Variants in ARHGEF28 observed in about 807,000 individuals in gnomAD.
ARHGEF28 encodes the protein Rho guanine nucleotide exchange factor 28.
A neutral mutation model predicts 206.6 loss-of-function variants in ARHGEF28; 152 were observed. The ratio of observed to expected loss-of-function variants is 0.74; its 90% CI spans 0.64 to 0.84. ARHGEF28 has a LOEUF of 0.84. Ranked by LOEUF, ARHGEF28 falls within the 40% of genes least tolerant of loss-of-function variation. The probability of loss-of-function intolerance (pLI) is 0.00; values close to 1 mark genes in which losing one functional copy is unlikely to be tolerated. For missense variants in ARHGEF28, 2,028 were observed against 2,073.2 expected (o/e 0.98, Z 0.42); for synonymous variants, 763 against 776.4 (o/e 0.98, Z 0.29).
intron 35 of ARHGEF28, among the ~76,000 whole-genome samples, chr5:73,936,494 A>AT (rs901627631): frequency 6.6e-6 from 1 of 152,178 alleles, no homozygotes; most frequent in African/African-American, 2.4e-5. Context: ...TGAAAAATGC[A>AT]TTTTTTGTAC....
intron 14 of ARHGEF28, among the ~76,000 whole-genome samples, chr5:73,855,898 T>A (rs1484005364): frequency 6.6e-6 from 1 of 152,192 alleles, no homozygotes; most frequent in Non-Finnish European, 1.5e-5. Context: ...TAATTTTCTT[T>A]TATTTGCAAT....
intron 2 of ARHGEF28, among the ~76,000 whole-genome samples, chr5:73,716,546 C>A (rs575228830): frequency 6.6e-6 from 1 of 152,138 alleles, no homozygotes; most frequent in Non-Finnish European, 1.5e-5. Flanking sequence ...GCCCTAGGAG[C>A]GTCCTCATTG....
In ARHGEF28 at chr5:73,894,530, G is replaced by A. The variant is rs775438105; in HGVS notation, c.3796G>A (p.Glu1266Lys). The A allele has an allele frequency of 8.7e-6, 14 of 1,613,708 alleles. No individual in the cohort carries two copies. The highest frequency in any genetic ancestry group is 1.6e-4 in the Middle Eastern group (1 of 6,084). ...CCTCCTTATTAAACCTGACCCAGGCGAGCCTCCCCAGGCAGCCTCATTACT... is the reference window on the plus strand; with the variant it reads ...CCTCCTTATTAAACCTGACCCAGGCAAGCCTCCCCAGGCAGCCTCATTACT... ...PHLLIKPDPGEPPQAASLLAA... is the reference protein window; with the variant it reads ...PHLLIKPDPGKPPQAASLLAA... Residue 1266 changes from glutamate (E) to lysine (K), a missense_variant, in exon 29 of 36, where the codon GAG becomes AAG. By Grantham distance (56) the Glu-to-Lys change is moderately conservative. Transcript: ENST00000513042.
intron 9 of ARHGEF28, among the ~76,000 whole-genome samples, chr5:73,805,924 G>A (rs1026809439): frequency 1.3e-5 from 2 of 151,858 alleles, no homozygotes; most frequent in African/African-American, 4.8e-5. Context: ...TTTAGCTTCA[G>A]ATCTATGGAA....
chr5:73,824,472 CTT>C (rs59155790), intron 9 of ARHGEF28, among the ~76,000 whole-genome samples: 22 of 142,032 alleles, frequency 1.5e-4, no homozygotes, highest in South Asian at 2.3e-4. Context: ...GGTTTGAAGA[CTT>C]TTTTTTTTTT....
chr5:73,639,625 A>G (rs1401788800), intron 1 of ARHGEF28, among the ~76,000 whole-genome samples: 1 of 152,162 alleles, frequency 6.6e-6, no homozygotes, highest in Admixed American at 6.5e-5. Flanking sequence ...AATTTCTAAT[A>G]ATGAAAAATA....
chr5:73,671,697 TATATATATATATATATATATATA>T (rs1472215878), intron 1 of ARHGEF28, among the ~76,000 whole-genome samples: 2 of 11,156 alleles, frequency 1.8e-4, no homozygotes, highest in East Asian at 0.011. Flanking sequence ...AACTTGATTA[TATATATATATATATATATATATA>T]TATATATATA....
chr5:73,749,811 A>G, intron 2 of ARHGEF28, 26 bp from the exon 3 acceptor site: 1 of 1,612,528 alleles, frequency 6.2e-7, no homozygotes, highest in Middle Eastern at 1.7e-4. Flanking sequence ...GAAGTCTGAC[A>G]ATGCCCCGAC....
At chr5:73,655,655 G>A (rs1399766762) in intron 1 of ARHGEF28, among the ~76,000 whole-genome samples, 2 of 152,136 alleles carry the variant, frequency 1.3e-5, no homozygotes, top group African/African-American at 4.8e-5. Flanking sequence ...TCTTTTCCCT[G>A]TGGCAGTATT....
At chr5:73,926,910 C>T (rs919835407) in intron 35 of ARHGEF28, among the ~76,000 whole-genome samples, 2 of 152,314 alleles carry the variant, frequency 1.3e-5, no homozygotes, top group South Asian at 2.1e-4. Context: ...AGGCTGCTGG[C>T]CACTAAGTAG....
At chr5:73,888,467 G>C (rs1250030401) in intron 26 of ARHGEF28, among the ~76,000 whole-genome samples, 1 of 152,176 alleles carries the variant, frequency 6.6e-6, no homozygotes, top group Non-Finnish European at 1.5e-5. Flanking sequence ...AAGAACCTGA[G>C]AAATAAGTGG....
intron 35 of ARHGEF28, among the ~76,000 whole-genome samples, chr5:73,933,257 TTC>T (rs1278589632): frequency 1.3e-5 from 2 of 152,232 alleles, no homozygotes; most frequent in Non-Finnish European, 2.9e-5. Context: ...ATTTCCTGAA[TTC>T]TGTTTTACAT....
chr5:73,742,786 T>TGCAGTCC (rs1202620674), intron 2 of ARHGEF28, among the ~76,000 whole-genome samples: 2 of 142,204 alleles, frequency 1.4e-5, no homozygotes, highest in African/African-American at 2.6e-5. Context: ...ATTGCGCCAC[T>TGCAGTCC]GCAGTCCGCA....
intron 9 of ARHGEF28, among the ~76,000 whole-genome samples, chr5:73,809,878 G>C (rs1755742241): frequency 6.6e-6 from 1 of 152,170 alleles, no homozygotes; most frequent in Non-Finnish European, 1.5e-5. Flanking sequence ...TGGTGAAAGG[G>C]TGGCCTGGGG....
chr5:73,741,377 GTGTGTGTGTATATATATATATATATATA>G (rs1751391967), intron 2 of ARHGEF28, among the ~76,000 whole-genome samples: 5 of 73,066 alleles, frequency 6.8e-5, no homozygotes, highest in East Asian at 7.2e-4. Context: ...GTGTGTGTGT[GTGTGTGTGTATATATATATATATATATA>G]TATATATATA....
At chr5:73,689,856 A>T (rs935051687) in intron 2 of ARHGEF28, among the ~76,000 whole-genome samples, 2 of 152,014 alleles carry the variant, frequency 1.3e-5, no homozygotes, top group African/African-American at 4.8e-5. Flanking sequence ...GTACAATAGT[A>T]TTAGGAGGTG....
At chr5:73,694,757 A>G (rs1748079443) in intron 2 of ARHGEF28, among the ~76,000 whole-genome samples, 2 of 152,142 alleles carry the variant, frequency 1.3e-5, no homozygotes, top group Admixed American at 6.5e-5. Context: ...ACTTTTATCA[A>G]AACGGATCTT....
intron 9 of ARHGEF28, among the ~76,000 whole-genome samples, chr5:73,809,854 G>A (rs114925231): frequency 2.3e-3 from 349 of 152,274 alleles, no homozygotes; most frequent in Middle Eastern, 0.014. Flanking sequence ...ACATGGTAAT[G>A]GTTGTATGAT....
intron 14 of ARHGEF28, among the ~76,000 whole-genome samples, chr5:73,857,218 A>G (rs907612602): frequency 2.0e-5 from 3 of 152,212 alleles, no homozygotes; most frequent in Non-Finnish European, 4.4e-5. Context: ...AAAAATAAAT[A>G]AAATCCAGTT....
Sources: allele counts gnomAD v4.1 joint callset (sites outside exome capture counted in the v4.1 genomes callset), GRCh38; gene constraint gnomAD v4.1.1; transcripts MANE v1.5; gene names NCBI Gene and HGNC (gene_info 2026-07-23, HGNC 2026-07-21).